The following RHBDD1 variants were observed in gnomAD, a reference collection of about 807,000 sequenced individuals.
The protein encoded by RHBDD1 is rhomboid domain containing 1, also known as rhomboid-related protein 4.
A neutral mutation model predicts 36.3 loss-of-function variants in RHBDD1; 38 were observed. The observed-to-expected ratio is 1.05, with a 90% CI of 0.81 to 1.37. The LOEUF is 1.37. Ranked by LOEUF, RHBDD1 falls within the 40% of genes most tolerant of loss-of-function variation. The pLI, the probability that RHBDD1 is intolerant of heterozygous loss-of-function variation, is 0.00. For missense variants in RHBDD1, 393 were observed against 377.6 expected, an observed-to-expected ratio of 1.04 and a Z score of -0.34; for synonymous variants, 151 against 136.5, an observed-to-expected ratio of 1.11 and a Z score of -0.74.
intron 8 of RHBDD1, among the ~76,000 whole-genome samples, chr2:226,983,572 T>C (rs889758951): frequency 3.9e-5 from 6 of 152,226 alleles, no homozygotes; most frequent in Admixed American, 3.9e-4. Flanking sequence ...TCAGCAGAAG[T>C]TGCCAACTTT....
intron 8 of RHBDD1, among the ~76,000 whole-genome samples, chr2:226,968,448 C>T (rs1952824772): frequency 6.6e-6 from 1 of 152,138 alleles, no homozygotes; most frequent in Non-Finnish European, 1.5e-5. Context: ...GCTCTTAAGG[C>T]CTTTTAACCG....
chr2:226,848,827 A>G (rs893785691), intron 3 of RHBDD1, among the ~76,000 whole-genome samples: 6 of 152,234 alleles, frequency 3.9e-5, no homozygotes, highest in African/African-American at 1.4e-4. Flanking sequence ...ATCCCTGCTC[A>G]TCTATAAAAT....
chr2:226,959,071 C>G (rs556772765), intron 8 of RHBDD1, among the ~76,000 whole-genome samples: 1 of 151,892 alleles, frequency 6.6e-6, no homozygotes, highest in East Asian at 1.9e-4. Flanking sequence ...CTTCAGGAGC[C>G]GAACAGATAA....
chr2:226,995,166 A>G (rs933732308), intron 8 of RHBDD1, among the ~76,000 whole-genome samples: 12 of 152,214 alleles, frequency 7.9e-5, no homozygotes, highest in African/African-American at 2.7e-4. Context: ...ATGGAGCACG[A>G]TGGAAGGAAA....
At chr2:226,977,325 A>G (rs1210398203) in intron 8 of RHBDD1, among the ~76,000 whole-genome samples, 1 of 152,040 alleles carries the variant, frequency 6.6e-6, no homozygotes, top group Non-Finnish European at 1.5e-5. Context: ...TATGAAGTGT[A>G]TTTGCTTTGC....
intron 2 of RHBDD1, among the ~76,000 whole-genome samples, chr2:226,838,689 G>A (rs1941285046): frequency 6.6e-6 from 1 of 152,168 alleles, no homozygotes; most frequent in South Asian, 2.1e-4. Context: ...TATAAATGAG[G>A]TAATTTTATT....
At chr2:226,844,614 TGG>T (rs1942024167) in intron 3 of RHBDD1, among the ~76,000 whole-genome samples, 1 of 152,346 alleles carries the variant, frequency 6.6e-6, no homozygotes, top group African/African-American at 2.4e-5. Context: ...CAAAGAAATC[TGG>T]TGCAGAGTAA....
intron 8 of RHBDD1, among the ~76,000 whole-genome samples, chr2:226,975,176 A>G (rs1381858311): frequency 6.6e-6 from 1 of 152,214 alleles, no homozygotes; most frequent in Non-Finnish European, 1.5e-5. Flanking sequence ...CCCCAGAATG[A>G]TAAATGAGAA....
At chr2:226,952,845 G>A (rs1467683526) in intron 8 of RHBDD1, among the ~76,000 whole-genome samples, 1 of 152,030 alleles carries the variant, frequency 6.6e-6, no homozygotes, top group Non-Finnish European at 1.5e-5. Flanking sequence ...GAACTAGTAA[G>A]GCATCAACAA....
At chr2:226,801,292 G>T in the RHBDD1 span, among the ~76,000 whole-genome samples, 1 of 152,168 alleles carries the variant, frequency 6.6e-6, no homozygotes, top group Non-Finnish European at 1.5e-5. Flanking sequence ...TTGGTGGGAT[G>T]GCCTGTTTTT....
chr2:226,894,559 C>G (rs1482370486), intron 5 of RHBDD1, among the ~76,000 whole-genome samples: 3 of 152,206 alleles, frequency 2.0e-5, no homozygotes, highest in Non-Finnish European at 4.4e-5. Context: ...GCGTGAGCCA[C>G]TGCACCCAGC....
At chr2:226,871,284 G>A (rs1944777781) in intron 5 of RHBDD1, among the ~76,000 whole-genome samples, 1 of 152,070 alleles carries the variant, frequency 6.6e-6, no homozygotes, top group Non-Finnish European at 1.5e-5. Context: ...AAATGTTGAT[G>A]CACCATTTGA....
chr2:226,911,455 G>A (rs546046313), intron 7 of RHBDD1, among the ~76,000 whole-genome samples: 2 of 151,152 alleles, frequency 1.3e-5, no homozygotes, highest in East Asian at 3.9e-4. Flanking sequence ...TTCTATTAGT[G>A]TTGCAGAATG....
rs1959417816 is a variant in RHBDD1, at chr2:226,996,684, T to C, written c.*1162T>C. The C allele has an allele frequency of 6.6e-6, 1 of 152,222 alleles. No homozygotes were observed. Among genetic ancestry groups the C allele is most frequent in the Non-Finnish European group, 1.5e-5 (1 of 68,036 alleles). 9.4% of individuals were successfully genotyped at this position (152,222 alleles called of 1,614,324 possible). A position where few individuals can be genotyped will look rare whatever the true frequency, so the allele number is the denominator to read the frequency against. ...TAAGGCAAACATCTGGAAAGAAATA[T>C]ACCCAAATCTTAGCAGGGGTTATCT... is the stretch of plus-strand genomic sequence containing the variant. On this transcript the variant is annotated 3_prime_UTR_variant, in exon 9 of 9. Transcript: ENST00000392062.
chr2:226,820,644 C>CAAAAAAAAAAAAA, the RHBDD1 span, among the ~76,000 whole-genome samples: 4 of 63,544 alleles, frequency 6.3e-5, no homozygotes, highest in Admixed American at 2.0e-4. Context: ...TCCATCTCCA[C>CAAAAAAAAAAAAA]AAAAAAAAAA....
At chr2:226,930,504 G>C (rs951704045) in intron 8 of RHBDD1, among the ~76,000 whole-genome samples, 1 of 151,810 alleles carries the variant, frequency 6.6e-6, no homozygotes, top group African/African-American at 2.4e-5. Flanking sequence ...ATCAATTAGA[G>C]ACTTAAATCT....
intron 3 of RHBDD1, among the ~76,000 whole-genome samples, chr2:226,860,673 G>T (rs1184327253): frequency 6.6e-6 from 1 of 152,148 alleles, no homozygotes; most frequent in African/African-American, 2.4e-5. Context: ...AACTGCCCTA[G>T]AGTTGTTATG....
At chr2:226,974,907 A>G (rs1954286534) in intron 8 of RHBDD1, among the ~76,000 whole-genome samples, 1 of 152,084 alleles carries the variant, frequency 6.6e-6, no homozygotes, top group East Asian at 1.9e-4. Flanking sequence ...TCCCATTACC[A>G]TTTTCAGGCC....
chr2:226,896,839 A>G (rs985167575), intron 5 of RHBDD1, among the ~76,000 whole-genome samples: 2 of 151,986 alleles, frequency 1.3e-5, no homozygotes, highest in Non-Finnish European at 2.9e-5. Context: ...AGTCCCCACT[A>G]TCACCCAGGC....
Sources: gnomAD v4.1 joint callset for allele counts (sites outside exome capture counted in the v4.1 genomes callset) on GRCh38, gnomAD v4.1.1 for gene constraint, MANE v1.5 for transcripts, NCBI Gene and HGNC (gene_info 2026-07-23, HGNC 2026-07-21) for gene names.